Variants in VTA1 observed in about 807,000 individuals in gnomAD.
VTA1 encodes vacuolar protein sorting-associated protein VTA1 homolog.
VTA1 carries 24 observed loss-of-function variants against 36.9 expected under a neutral mutation model. The ratio of observed to expected loss-of-function variants is 0.65; its 90% confidence interval spans 0.47 to 0.91. The LOEUF (loss-of-function observed/expected upper bound fraction) is 0.91, where lower values mean the gene tolerates loss of function less well. Ranked by LOEUF, VTA1 falls within the 40% of genes least tolerant of loss-of-function variation. The pLI, the probability that VTA1 is intolerant of heterozygous loss-of-function variation, is 0.00. For synonymous variants in VTA1, 142 were observed against 130.2 expected, an observed-to-expected ratio of 1.09 and a Z score of -0.62; for missense variants, 393 against 377.2, an observed-to-expected ratio of 1.04 and a Z score of -0.35.
At chr6:142,215,872 G>A (rs902303270) in intron 7 of VTA1, among the ~76,000 whole-genome samples, 6 of 152,090 alleles carry the variant, frequency 3.9e-5, no homozygotes, top group Admixed American at 2.6e-4. Flanking sequence ...GCTGACCCAG[G>A]CTCTCTTTGC....
rs987133285 is a variant in VTA1 at position 142,223,611 on chromosome 6, A to G, written c.*4968A>G. 1 of 152,152 alleles carries G rather than the reference A, an allele frequency of 6.6e-6. No homozygotes were observed. The highest frequency in any genetic ancestry group is 2.1e-4 in the South Asian group (1 of 4,832). The allele number at this position is 152,152 out of a possible 1,614,324, so 9.4% of individuals were successfully genotyped here. A position where few individuals can be genotyped will look rare whatever the true frequency, so the allele number is the denominator to read the frequency against. ...AATTGCATAGCAGTATTCCATGAATATAACTTAATGGGGAACTGGCTTCAG... is the reference window on the plus strand; with the variant it reads ...AATTGCATAGCAGTATTCCATGAATGTAACTTAATGGGGAACTGGCTTCAG... On this transcript the variant is annotated 3_prime_UTR_variant, in exon 8 of 8. Transcript: ENST00000367630.
intron 5 of VTA1, among the ~76,000 whole-genome samples, chr6:142,195,686 A>G (rs967714918): frequency 5.7e-5 from 8 of 140,464 alleles, no homozygotes; most frequent in East Asian, 2.1e-4. Context: ...ATTTAAATCT[A>G]TCTTTCAGTT....
chr6:142,189,782 A>G (rs1469470496), intron 5 of VTA1, among the ~76,000 whole-genome samples: 2 of 151,668 alleles, frequency 1.3e-5, no homozygotes, highest in Non-Finnish European at 2.9e-5. Context: ...AATGAGACAT[A>G]GTCTCGCTCT....
chr6:142,159,443 A>G (rs1774737559), intron 1 of VTA1, among the ~76,000 whole-genome samples: 1 of 150,436 alleles, frequency 6.6e-6, no homozygotes, highest in Non-Finnish European at 1.5e-5. Flanking sequence ...TGGTGTCTAT[A>G]CTATTAATCC....
rs1776092430 is a variant in VTA1 at position 142,220,667 on chromosome 6, A to C, written c.*2024A>C. 6.6e-6 allele frequency: 1 copy of C among 152,174 alleles called. No individual in the cohort carries two copies. The highest frequency in any genetic ancestry group is 2.1e-4 in the South Asian group (1 of 4,830). 9.4% of individuals were successfully genotyped at this position (152,174 alleles called of 1,614,324 possible). On this transcript the variant is annotated 3_prime_UTR_variant, in exon 8 of 8. Coordinates refer to ENST00000367630, the MANE Select transcript of VTA1 (RefSeq NM_016485.5). ...AGTTGTCTATGTGGCCCAGTGCTTA[A>C]AAACGCCTTCTTGCATGAGGGGATT...
rs2114695102 is a variant in VTA1 at position 142,220,653 on chromosome 6, T to A, written c.*2010T>A. The A allele has an allele frequency of 6.6e-6, 1 of 152,330 alleles. No individual in the cohort carries two copies. The highest frequency in any genetic ancestry group is 3.4e-3 in the Middle Eastern group (1 of 294). The allele number at this position is 152,330 out of a possible 1,614,324, so 9.4% of individuals were successfully genotyped here. On this transcript the variant is annotated 3_prime_UTR_variant, in exon 8 of 8. Transcript: ENST00000367630. The stretch of plus-strand genomic sequence containing the variant: ...TATCAGGAAATCCCAGTTGTCTATG[T>A]GGCCCAGTGCTTAAAAACGCCTTCT...
chr6:142,165,531 T>C (rs1428285056), intron 1 of VTA1, among the ~76,000 whole-genome samples: 1 of 152,232 alleles, frequency 6.6e-6, no homozygotes, highest in Non-Finnish European at 1.5e-5. Context: ...GTTAGCATGA[T>C]GCATTCATGC....
At chr6:142,164,146 A>G (rs533646490) in intron 1 of VTA1, among the ~76,000 whole-genome samples, 1 of 152,230 alleles carries the variant, frequency 6.6e-6, no homozygotes, top group South Asian at 2.1e-4. Context: ...AAGATACCTA[A>G]TATTCTTTGG....
intron 7 of VTA1, among the ~76,000 whole-genome samples, chr6:142,214,985 A>G (rs1367533856): frequency 6.6e-6 from 1 of 152,138 alleles, no homozygotes; most frequent in African/African-American, 2.4e-5. Flanking sequence ...TAATGCATAT[A>G]TGTGTGATAT....
chr6:142,164,315 T>C (rs1774869773), intron 1 of VTA1, among the ~76,000 whole-genome samples: 1 of 152,144 alleles, frequency 6.6e-6, no homozygotes, highest in Non-Finnish European at 1.5e-5. Flanking sequence ...CTAGTTAGTG[T>C]GCAGTGAAAG....
intron 5 of VTA1, among the ~76,000 whole-genome samples, chr6:142,197,208 C>G (rs1775568583): frequency 6.6e-6 from 1 of 152,140 alleles, no homozygotes; most frequent in African/African-American, 2.4e-5. Flanking sequence ...TGGGGAAAGT[C>G]ATGTTAATGT....
intron 1 of VTA1, among the ~76,000 whole-genome samples, chr6:142,154,130 T>G (rs1778617841): frequency 6.6e-6 from 1 of 151,920 alleles, no homozygotes; most frequent in South Asian, 2.1e-4. Flanking sequence ...CTTGTTGCCC[T>G]TTTATTAATA....
chr6:142,179,226 G>T (rs1448622673), intron 4 of VTA1, among the ~76,000 whole-genome samples: 2 of 151,970 alleles, frequency 1.3e-5, no homozygotes, highest in African/African-American at 4.8e-5. Context: ...CACATAAATT[G>T]TTGTCTAGAA....
intron 4 of VTA1, among the ~76,000 whole-genome samples, chr6:142,188,909 T>G (rs536636683): frequency 1.3e-5 from 2 of 152,328 alleles, no homozygotes; most frequent in South Asian, 4.1e-4. Flanking sequence ...GTAACTGAGG[T>G]TCAGAGCTGT....
intron 5 of VTA1, among the ~76,000 whole-genome samples, chr6:142,194,407 T>C (rs576422143): frequency 2.6e-5 from 4 of 152,184 alleles, no homozygotes; most frequent in Non-Finnish European, 5.9e-5. Flanking sequence ...TATCTTTCCA[T>C]TTATTTAAGT....
chr6:142,209,076 T>C (rs1460696773), intron 7 of VTA1, among the ~76,000 whole-genome samples: 1 of 152,070 alleles, frequency 6.6e-6, no homozygotes, highest in African/African-American at 2.4e-5. Context: ...GAAGTCAAAT[T>C]AGCCTTGCTC....
intron 4 of VTA1, among the ~76,000 whole-genome samples, chr6:142,187,855 T>A (rs1298082052): frequency 6.6e-6 from 1 of 151,932 alleles, no homozygotes; most frequent in Non-Finnish European, 1.5e-5. Context: ...CTGGACCACC[T>A]GCTGCATTTG....
chr6:142,150,116 G>A (rs527889241), intron 1 of VTA1, among the ~76,000 whole-genome samples: 4 of 151,982 alleles, frequency 2.6e-5, no homozygotes, highest in African/African-American at 9.7e-5. Context: ...GGCCATTTCT[G>A]ATAGTTTCTT....
At chr6:142,180,902 TG>T (rs1169268119) in intron 4 of VTA1, among the ~76,000 whole-genome samples, 5 of 151,384 alleles carry the variant, frequency 3.3e-5, no homozygotes, top group Non-Finnish European at 5.9e-5. Context: ...GATCTGGGCC[TG>T]GGGGGAAAAT....
Sources: allele counts gnomAD v4.1 joint callset (sites outside exome capture counted in the v4.1 genomes callset), GRCh38; gene constraint gnomAD v4.1.1; transcripts MANE v1.5; gene names NCBI Gene and HGNC (gene_info 2026-07-23, HGNC 2026-07-21).